Variants in AGAP2 observed in about 807,000 individuals in gnomAD.
AGAP2 encodes arf-GAP with GTPase, ANK repeat and PH domain-containing protein 2.
A neutral mutation model predicts 110.9 loss-of-function variants in AGAP2; 32 were observed. That is an observed-to-expected ratio of 0.29 (90% CI 0.22 to 0.39). The LOEUF is 0.39. Among genes scored for constraint, AGAP2 ranks in the 10% least tolerant of loss-of-function variants. AGAP2 has a pLI of 1.00. For missense variants in AGAP2, 1,285 were observed against 1,638.5 expected (o/e 0.78, Z 3.72); for synonymous variants, 702 against 713.0 (o/e 0.98, Z 0.25).
intron 14 of AGAP2, 108 bp downstream of exon 14, chr12:57,728,210 C>A: frequency 6.6e-7 from 1 of 1,513,128 alleles, no homozygotes; most frequent in Non-Finnish European, 9.0e-7. Context: ...GTAGGGAAAG[C>A]AGAGGGTGGG....
rs150735216 is a variant in AGAP2, at chr12:57,732,942, A to G, written c.1587T>C (p.Asp529=). 4 of 1,613,952 alleles carry G rather than the reference A, an allele frequency of 2.5e-6. No homozygotes were observed. In the African/African-American group the frequency reaches 4.0e-5, roughly 16 times the overall value. The change falls in exon 6 of 19, where the codon GAT becomes GAC. Residue 529 remains aspartate (D), a synonymous_variant. Transcript: ENST00000547588. ...ISASSPRVVG[D]ARARALCADM... Reference sequence around the variant, plus strand: ...CCGCGCACAGAGCTCTGGCACGAGCATCTCCCACCACCCGAGGGGAGGAAG... The same window carrying G: ...CCGCGCACAGAGCTCTGGCACGAGCGTCTCCCACCACCCGAGGGGAGGAAG...
intron 1 of AGAP2, among the ~76,000 whole-genome samples, chr12:57,736,133 C>T (rs963773836): frequency 6.6e-6 from 1 of 151,372 alleles, no homozygotes; most frequent in Non-Finnish European, 1.5e-5. Flanking sequence ...ACCGGCCGGA[C>T]GTTCCCGGGG....
In AGAP2 at chr12:57,727,021, G is replaced by A. The variant is rs1368241072; in HGVS notation, c.3289C>T (p.Leu1097=). The A allele has an allele frequency of 6.2e-7, 1 of 1,608,888 alleles. No individual in the cohort carries two copies. The highest frequency in any genetic ancestry group is 8.5e-7 in the Non-Finnish European group (1 of 1,178,284). Residue 1097 remains leucine, a synonymous_variant, in exon 18 of 19, where the codon CTG becomes TTG. Coordinates refer to ENST00000547588, the MANE Select transcript of AGAP2 (RefSeq NM_001122772.3). The part of the protein sequence containing the change: ...EDPQLRSPLH[L]AAELAHVVIT... Reference sequence around the variant, plus strand: ...ACGACGTGGGCGAGCTCGGCCGCCAGGTGGAGTGGGGAGCGCAGCTGTGGG... The same window carrying A: ...ACGACGTGGGCGAGCTCGGCCGCCAAGTGGAGTGGGGAGCGCAGCTGTGGG...
At chr12:57,734,459 TC>T in intron 3 of AGAP2, 55 bp from the exon 4 acceptor site, 1 of 1,595,450 alleles carries the variant, frequency 6.3e-7, no homozygotes, top group Non-Finnish European at 8.6e-7. Context: ...TCACCAAACC[TC>T]CCCATGCTCC....
chr12:57,730,819 C>G lies in AGAP2; in HGVS notation c.2280G>C (p.Met760Ile), dbSNP rs1265185309. ...GGCCTTCACCCATCTGGACAGTGCT[C>G]ATGTCCTTGACGAGCCCGTTAATGC... is the stretch of plus-strand genomic sequence containing the variant. ...SASINGLVKD[M>I]STVQMGEGLE... The change falls in exon 11 of 19, where the codon ATG becomes ATC. Residue 760 changes from methionine to isoleucine, a missense_variant. Around this residue, in one of 7 missense-constraint regions of AGAP2, gnomAD observed 135 missense variants for 182.0 expected, o/e 0.74. Transcript: ENST00000547588. 6.2e-7 allele frequency: 1 copy of G among 1,614,096 alleles called. No individual in the cohort carries two copies. The highest frequency in any genetic ancestry group is 1.7e-5 in the Admixed American group (1 of 60,032).
chr12:57,737,666 G>A lies in AGAP2; in HGVS notation c.581C>T (p.Thr194Ile). 2 of 1,548,828 alleles carry A rather than the reference G, an allele frequency of 1.3e-6. No individual in the cohort carries two copies. Among genetic ancestry groups the A allele is most frequent in the Non-Finnish European group, 8.7e-7 (1 of 1,147,948 alleles). ...CCCGCCGGCTTTGGCTCCACTCGTGGTCACGGTCTTGCAAGGCTTGGGAGC... is the reference window on the plus strand; with the variant it reads ...CCCGCCGGCTTTGGCTCCACTCGTGATCACGGTCTTGCAAGGCTTGGGAGC... Reference protein sequence around the residue: ...PPAPKPCKTVTTSGAKAGGGK... With the variant: ...PPAPKPCKTVITSGAKAGGGK... Residue 194 changes from threonine (T) to isoleucine (I), a missense_variant, in exon 1 of 19, where the codon ACC (threonine) becomes ATC (isoleucine). Coordinates refer to ENST00000547588, the MANE Select transcript of AGAP2 (RefSeq NM_001122772.3). This position sits in a 1 kb window ranked among gnomAD's most constrained non-coding sequence, Gnocchi z 5.9.
rs1486200957 is a variant in AGAP2, at chr12:57,737,564, G to A, written c.683C>T (p.Ala228Val). ...KPRVKGSKSSAGTGASVSAAA... is the reference protein window; with the variant it reads ...KPRVKGSKSSVGTGASVSAAA... ...GGCAGAGACCGAAGCTCCAGTCCCG[G>A]CGCTGCTCTTTGACCCCTTGACCCT... The change falls in exon 1 of 19, where the codon GCC becomes GTC. Residue 228 changes from alanine to valine, a missense_variant. Physicochemically the swap from Ala to Val is moderately conservative, Grantham distance 64 (BLOSUM62 0). Around this residue, in one of 7 missense-constraint regions of AGAP2, gnomAD observed 844 missense variants for 941.2 expected, o/e 0.90. Transcript: ENST00000547588. The surrounding 1 kb of genome is among the most constrained non-coding windows in gnomAD (Gnocchi z 5.9). The A allele has an allele frequency of 1.3e-6, 2 of 1,550,154 alleles. No individual in the cohort carries two copies. Among genetic ancestry groups the A allele is most frequent in the Non-Finnish European group, 1.7e-6 (2 of 1,147,708 alleles).
chr12:57,739,354 G>C (rs1955049055), upstream of AGAP2, among the ~76,000 whole-genome samples: 1 of 152,128 alleles, frequency 6.6e-6, no homozygotes. Context: ...CCGTTCTCAT[G>C]ACCCAGCTCC....
upstream of AGAP2, chr12:57,739,642 T>G (rs1011507968): frequency 6.6e-6 from 1 of 152,184 alleles, no homozygotes; most frequent in Non-Finnish European, 1.5e-5. Flanking sequence ...GCTCCAAGAG[T>G]GCCTCAGAAA....
intron 1 of AGAP2, among the ~76,000 whole-genome samples, chr12:57,735,759 C>T (rs1954969739): frequency 6.6e-6 from 1 of 152,234 alleles, no homozygotes; most frequent in Non-Finnish European, 1.5e-5. Context: ...AGGTTCTTCC[C>T]TCTGGAAAAA....
chr12:57,732,049 T>C, intron 7 of AGAP2, 82 bp from the exon 8 acceptor site: 1 of 1,478,100 alleles, frequency 6.8e-7, no homozygotes, highest in Non-Finnish European at 9.1e-7. Context: ...ATGGGGAATT[T>C]GAGACATTCC....
chr12:57,738,100 A>G lies in AGAP2; in HGVS notation c.147T>C (p.Thr49=). Reference sequence around the variant, plus strand: ...CGCCTCGGGGGCTGCCAGGATCCCCAGTCTCGGAGCCTCTGGCACCGGCGG... The same window carrying G: ...CGCCTCGGGGGCTGCCAGGATCCCCGGTCTCGGAGCCTCTGGCACCGGCGG... ...AGAAGARGSE[T]GDPGSPRGAE... The change falls in exon 1 of 19, where the codon ACT becomes ACC. Residue 49 remains threonine (T), a synonymous_variant. Coordinates refer to ENST00000547588, the MANE Select transcript of AGAP2 (RefSeq NM_001122772.3). This position sits in a 1 kb window ranked among gnomAD's most constrained non-coding sequence, Gnocchi z 6.7. 1.3e-6 allele frequency: 2 copies of G among 1,522,702 alleles called. No homozygotes were observed. The highest frequency in any genetic ancestry group is 1.8e-6 in the Non-Finnish European group (2 of 1,140,810). The allele number at this position is 1,522,702 out of a possible 1,614,324, so 94.3% of individuals were successfully genotyped here.
Position 57,738,052 on chromosome 12 carries a change from C to T in AGAP2, c.195G>A (p.Arg65=). The change falls in exon 1 of 19, where the codon CGG becomes CGA. Residue 65 remains arginine, a synonymous_variant. Transcript: ENST00000547588. The surrounding 1 kb of genome is among the most constrained non-coding windows in gnomAD (Gnocchi z 6.7). ...PRGAEEPGKK[R]HERLFHRQDA... is the part of the protein sequence containing the mutation. ...CCTGCCGGTGGAAGAGACGTTCGTG[C>T]CGCTTCTTGCCCGGCTCCTCCGCGC... is the stretch of plus-strand genomic sequence containing the variant. The T allele has an allele frequency of 6.6e-7, 1 of 1,522,644 alleles. No homozygotes were observed. Among genetic ancestry groups the T allele is most frequent in the South Asian group, 1.2e-5 (1 of 83,444 alleles). The allele number at this position is 1,522,644 out of a possible 1,614,324, so 94.3% of individuals were successfully genotyped here.
In AGAP2 at chr12:57,727,682, G is replaced by C; in HGVS notation, c.2856C>G (p.Pro952=). 6.2e-7 allele frequency: 1 copy of C among 1,605,388 alleles called. No individual in the cohort carries two copies. The highest frequency in any genetic ancestry group is 8.5e-7 in the Non-Finnish European group (1 of 1,176,290). ...GNSICVDCGA[P]NPTWASLNLG... The stretch of plus-strand genomic sequence containing the variant: ...CCTCCGCTGCCTCCTGGCACTCACT[G>C]GGGGCCCCGCAGTCCACGCAGATTG... The change falls in exon 16 of 19, where the codon CCC becomes CCG. Residue 952 remains proline, a splice_region_variant and synonymous_variant. Transcript: ENST00000547588.
rs1444311789 is a variant in AGAP2 at position 57,726,080 on chromosome 12, C to G, written c.*472G>C. On this transcript the variant is annotated 3_prime_UTR_variant, in exon 19 of 19. Transcript: ENST00000547588. This position sits in a 1 kb window ranked among gnomAD's most constrained non-coding sequence, Gnocchi z 5.7. Reference sequence around the variant, plus strand: ...GAAGGGGTAGGGTTTCCGTATTGGCCCCAAGTCCCGGGGCTAGCCCTCCCA... The same window carrying G: ...GAAGGGGTAGGGTTTCCGTATTGGCGCCAAGTCCCGGGGCTAGCCCTCCCA... 6.6e-6 allele frequency: 1 copy of G among 152,302 alleles called. No individual in the cohort carries two copies. The highest frequency in any genetic ancestry group is 2.4e-5 in the African/African-American group (1 of 41,414). The allele number at this position is 152,302 out of a possible 1,614,324, so 9.4% of individuals were successfully genotyped here.
intron 9 of AGAP2, 40 bp from the exon 10 acceptor site, chr12:57,731,510 C>G: frequency 1.2e-6 from 2 of 1,613,974 alleles, no homozygotes; most frequent in Non-Finnish European, 1.7e-6. Flanking sequence ...AAAAAGCCAA[C>G]TAAGACCAGC....
In AGAP2 at chr12:57,732,857, C is replaced by A; in HGVS notation, c.1672G>T (p.Val558Phe). ...TCACTACACTCACCCTCCTGGAAGA[C>A]CCGATCCACATTGAGCCCATAGGTT... ...CATYGLNVDR[V>F]FQEVAQKVVT... The change falls in exon 6 of 19, where the codon GTC becomes TTC. Residue 558 changes from valine (V) to phenylalanine (F), a missense_variant. Around this residue, in one of 7 missense-constraint regions of AGAP2, gnomAD observed 844 missense variants for 941.2 expected, o/e 0.90. Coordinates refer to ENST00000547588, the MANE Select transcript of AGAP2 (RefSeq NM_001122772.3). The A allele has an allele frequency of 1.2e-6, 2 of 1,614,010 alleles. No homozygotes were observed. Among genetic ancestry groups the A allele is most frequent in the Non-Finnish European group, 1.7e-6 (2 of 1,180,028 alleles).
At chr12:57,735,222 A>C in intron 2 of AGAP2, 147 bp downstream of exon 2, 1 of 751,528 alleles carries the variant, frequency 1.3e-6, no homozygotes. Flanking sequence ...TGTTGGTGCT[A>C]TGAAGGCAGA....
chr12:57,729,351 T>A, intron 13 of AGAP2, among the ~76,000 whole-genome samples: 1 of 148,128 alleles, frequency 6.8e-6, no homozygotes, highest in East Asian at 2.0e-4. Flanking sequence ...GTAAGTGGAG[T>A]TGAGGGAAGG....
Sources: allele counts gnomAD v4.1 joint callset (sites outside exome capture counted in the v4.1 genomes callset), GRCh38; gene constraint gnomAD v4.1.1; regional missense constraint gnomAD v4.1.1; non-coding constraint Gnocchi (gnomAD v3.1); transcripts MANE v1.5; gene names NCBI Gene and HGNC (gene_info 2026-07-23, HGNC 2026-07-21).